Variants in APCDD1L observed in about 807,000 individuals in gnomAD.
APCDD1L encodes APC down-regulated 1 like, also known as protein APCDD1-like.
Under a neutral mutation model 24.2 loss-of-function variants are expected in APCDD1L, and 21 were observed. The ratio of observed to expected loss-of-function variants is 0.87; its 90% CI spans 0.61 to 1.25. The LOEUF is 1.25. Among genes scored for constraint, APCDD1L ranks in the 50% most tolerant of loss-of-function variants. The pLI is 0.00. For synonymous variants in APCDD1L, 321 were observed against 323.6 expected (o/e 0.99, Z 0.09); for missense variants, 704 against 711.7 (o/e 0.99, Z 0.12).
chr20:58,511,661 A>AT lies in APCDD1L; in HGVS notation c.49+2997dup, dbSNP rs556309558. On this transcript the variant is annotated intron_variant, in intron 1 of 3. Transcript: ENST00000371149. ...TAGCAAGAGGAAGTCTCCATTGATA[A>AT]TTTTTTTTGTTTGTTTTAAGTAACT... is the stretch of plus-strand genomic sequence containing the variant. Among the ~76,000 whole-genome samples the AT allele has an allele frequency of 1.9e-4, 29 of 152,150 alleles. No individual in the cohort carries two copies. In the South Asian group the frequency reaches 3.9e-3, roughly 21 times the overall value.
At chr20:58,481,869 G>T (rs958051315) in intron 1 of APCDD1L, among the ~76,000 whole-genome samples, 4 of 152,144 alleles carry the variant, frequency 2.6e-5, no homozygotes, top group African/African-American at 9.7e-5. Context: ...TTCCACTCGC[G>T]CAGAGAACGT....
At chr20:58,506,014 T>C (rs542078511) in intron 1 of APCDD1L, among the ~76,000 whole-genome samples, 66 of 152,260 alleles carry the variant, frequency 4.3e-4, no homozygotes, top group African/African-American at 1.4e-3. Flanking sequence ...AGAGGGAGCA[T>C]GGCCCCACTG....
At chr20:58,477,132 A>C (rs1416027166) in intron 1 of APCDD1L, among the ~76,000 whole-genome samples, 1 of 152,246 alleles carries the variant, frequency 6.6e-6, no homozygotes, top group African/African-American at 2.4e-5. Context: ...CAGTTTCTCT[A>C]CAGGTTAACA....
intron 1 of APCDD1L, among the ~76,000 whole-genome samples, chr20:58,500,347 C>A (rs1256108514): frequency 2.0e-5 from 3 of 152,176 alleles, no homozygotes; most frequent in Non-Finnish European, 4.4e-5. Context: ...TAATGAGGGG[C>A]ATGCTGAGTC....
chr20:58,500,618 T>C (rs561708318), intron 1 of APCDD1L, among the ~76,000 whole-genome samples: 6 of 152,300 alleles, frequency 3.9e-5, no homozygotes, highest in Admixed American at 6.5e-5. Flanking sequence ...GGAAGTGTCA[T>C]GCCCTCTCTT....
chr20:58,474,155 G>A (rs1207779304), intron 1 of APCDD1L, among the ~76,000 whole-genome samples: 1 of 152,242 alleles, frequency 6.6e-6, no homozygotes, highest in East Asian at 1.9e-4. Flanking sequence ...CCAAGGCCAG[G>A]TGCTTCATCT....
chr20:58,488,008 T>C (rs1206215730), intron 1 of APCDD1L, among the ~76,000 whole-genome samples: 1 of 152,304 alleles, frequency 6.6e-6, no homozygotes, highest in East Asian at 1.9e-4. Context: ...TGTGTAAGCA[T>C]AGTGTATACA....
intron 1 of APCDD1L, among the ~76,000 whole-genome samples, chr20:58,487,801 C>G (rs929291682): frequency 6.6e-6 from 1 of 152,150 alleles, no homozygotes; most frequent in Non-Finnish European, 1.5e-5. Context: ...ATTGCTATAG[C>G]TAGAGGGAAA....
chr20:58,509,711 G>C (rs190598726), intron 1 of APCDD1L, among the ~76,000 whole-genome samples: 1 of 152,178 alleles, frequency 6.6e-6, no homozygotes. Flanking sequence ...GCTGGCTTAC[G>C]GTTAGAGACT....
Position 58,467,721 on chromosome 20 carries a change from C to G in APCDD1L, c.189-63G>C, listed in dbSNP as rs1179219874. On this transcript the variant is annotated intron_variant, in intron 2 of 3. Coordinates refer to ENST00000371149, the MANE Select transcript of APCDD1L (RefSeq NM_153360.3). This position sits in a 1 kb window ranked among gnomAD's most constrained non-coding sequence, Gnocchi z 5.9. ...AACACCGCGCCGCGAGCCCCTCTCC[C>G]CTCTGGGCTGGGCTCCTTTCTCCCC... 18 of 1,375,276 alleles carry G rather than the reference C, an allele frequency of 1.3e-5. No individual in the cohort carries two copies. Among genetic ancestry groups the G allele is most frequent in the Non-Finnish European group, 1.7e-5 (18 of 1,059,042 alleles). 85.2% of individuals were successfully genotyped at this position (1,375,276 alleles called of 1,614,324 possible).
In APCDD1L at chr20:58,467,140, G is replaced by A; in HGVS notation, c.707C>T (p.Pro236Leu). 1 of 1,608,094 alleles carries A rather than the reference G, an allele frequency of 6.2e-7. No individual in the cohort carries two copies. Among genetic ancestry groups the A allele is most frequent in the Non-Finnish European group, 8.5e-7 (1 of 1,179,502 alleles). Reference protein sequence around the residue: ...TDPAERRHYRPTGYQRPLQSA... With the variant: ...TDPAERRHYRLTGYQRPLQSA... Reference sequence around the variant, plus strand: ...CTGCAGCGGGCGCTGGTAGCCCGTGGGCCGGTAGTGCCGCCTCTCCGCCGG... The same window carrying A: ...CTGCAGCGGGCGCTGGTAGCCCGTGAGCCGGTAGTGCCGCCTCTCCGCCGG... The change falls in exon 3 of 4, where the codon CCC becomes CTC. Residue 236 changes from proline to leucine, a missense_variant. Pro to Leu is a moderately conservative substitution (Grantham distance 98, BLOSUM62 -3). Transcript: ENST00000371149. This position sits in a 1 kb window ranked among gnomAD's most constrained non-coding sequence, Gnocchi z 5.9.
intron 1 of APCDD1L, among the ~76,000 whole-genome samples, chr20:58,483,269 C>T (rs899907370): frequency 2.6e-5 from 4 of 152,036 alleles, no homozygotes; most frequent in East Asian, 1.9e-4. Context: ...AAGCACAGAG[C>T]GGCTGGTGCG....
intron 1 of APCDD1L, among the ~76,000 whole-genome samples, chr20:58,511,666 T>G (rs1990630132): frequency 6.6e-6 from 1 of 152,194 alleles, no homozygotes; most frequent in South Asian, 2.1e-4. Context: ...TGATAATTTT[T>G]TTTGTTTGTT....
intron 1 of APCDD1L, among the ~76,000 whole-genome samples, chr20:58,513,156 G>T (rs1391567391): frequency 2.0e-5 from 3 of 152,194 alleles, no homozygotes; most frequent in Non-Finnish European, 2.9e-5. Context: ...GGGTGCAACG[G>T]CCTGGAGGAG....
intron 1 of APCDD1L, among the ~76,000 whole-genome samples, chr20:58,504,218 C>T (rs1990493632): frequency 6.6e-6 from 1 of 152,172 alleles, no homozygotes; most frequent in African/African-American, 2.4e-5. Context: ...CAACAAGTAG[C>T]CCAATGCATC....
intron 1 of APCDD1L, among the ~76,000 whole-genome samples, chr20:58,510,862 A>G (rs1419436467): frequency 1.3e-5 from 2 of 152,174 alleles, no homozygotes; most frequent in Non-Finnish European, 2.9e-5. Context: ...AGGTGCTCTC[A>G]TGGGGAAGAA....
Position 58,467,385 on chromosome 20 carries a change from G to C in APCDD1L, c.462C>G (p.Ala154=), listed in dbSNP as rs1320114840. Residue 154 remains alanine (A), a synonymous_variant, in exon 3 of 4, where the codon GCC becomes GCG. Coordinates refer to ENST00000371149, the MANE Select transcript of APCDD1L (RefSeq NM_153360.3). The surrounding 1 kb of genome is among the most constrained non-coding windows in gnomAD (Gnocchi z 5.9). ...DVTGRLNQTR[A]GRDCARRLPP... Reference sequence around the variant, plus strand: ...GCAGCCGCCGCGCGCAGTCCCGGCCGGCGCGGGTCTGGTTGAGGCGCCCGG... The same window carrying C: ...GCAGCCGCCGCGCGCAGTCCCGGCCCGCGCGGGTCTGGTTGAGGCGCCCGG... 6.6e-7 allele frequency: 1 copy of C among 1,506,626 alleles called. No individual in the cohort carries two copies. Among genetic ancestry groups the C allele is most frequent in the Non-Finnish European group, 8.8e-7 (1 of 1,131,784 alleles). 93.3% of individuals were successfully genotyped at this position (1,506,626 alleles called of 1,614,324 possible). A position where few individuals can be genotyped will look rare whatever the true frequency, so the allele number is the denominator to read the frequency against.
chr20:58,478,287 G>C (rs1198896298), intron 1 of APCDD1L, among the ~76,000 whole-genome samples: 1 of 152,130 alleles, frequency 6.6e-6, no homozygotes, highest in Non-Finnish European at 1.5e-5. Flanking sequence ...ATGGTGTTTA[G>C]AAACCAAGAT....
rs539310253 is a variant in APCDD1L, at chr20:58,491,327, T to G, written c.50-20580A>C. Among the ~76,000 whole-genome samples the G allele has an allele frequency of 2.0e-5, 3 of 152,348 alleles. No homozygotes were observed. The South Asian group carries it at 6.2e-4, about 32-fold the overall frequency. On this transcript the variant is annotated intron_variant, in intron 1 of 3. Transcript: ENST00000371149. ...TTAAAAGAAAGAAAATGATCACTAT[T>G]TGTAGATGATATGATTGTCTATGTA... is the stretch of plus-strand genomic sequence containing the variant.
Sources: allele counts gnomAD v4.1 joint callset (sites outside exome capture counted in the v4.1 genomes callset), GRCh38; gene constraint gnomAD v4.1.1; non-coding constraint Gnocchi (gnomAD v3.1); transcripts MANE v1.5; gene names NCBI Gene and HGNC (gene_info 2026-07-23, HGNC 2026-07-21).